Variants in CLVS1 observed in about 807,000 individuals in gnomAD.
CLVS1 encodes the protein clavesin-1.
CLVS1 carries 10 observed loss-of-function variants against 33.1 expected under a neutral mutation model. That is an observed-to-expected ratio of 0.30 (90% CI 0.19 to 0.51). The LOEUF (loss-of-function observed/expected upper bound fraction) is 0.51. Among genes scored for constraint, CLVS1 ranks in the 20% least tolerant of loss-of-function variants. CLVS1 has a pLI of 0.97. For missense variants in CLVS1, 343 were observed against 433.4 expected (o/e 0.79, Z 1.85); for synonymous variants, 163 against 166.1 (o/e 0.98, Z 0.14).
chr8:61,356,958 T>C (rs893800988), intron 2 of CLVS1, among the ~76,000 whole-genome samples: 10 of 152,208 alleles, frequency 6.6e-5, no homozygotes, highest in African/African-American at 2.4e-4. Flanking sequence ...AAGAAAGTCA[T>C]TGGTAGCTTG....
chr8:61,096,756 C>A (rs1380607596), intron 1 of CLVS1, among the ~76,000 whole-genome samples: 2 of 152,280 alleles, frequency 1.3e-5, no homozygotes, highest in East Asian at 3.9e-4. Context: ...CACAGGATAG[C>A]ATTTCACATT....
chr8:61,065,060 T>C (rs1410691158), intron 1 of CLVS1, among the ~76,000 whole-genome samples: 1 of 152,204 alleles, frequency 6.6e-6, no homozygotes, highest in Non-Finnish European at 1.5e-5. Flanking sequence ...ATCAGATTTG[T>C]AGTTTAGAAA....
chr8:61,102,322 TG>T (rs1805465135), intron 1 of CLVS1, among the ~76,000 whole-genome samples: 1 of 152,240 alleles, frequency 6.6e-6, no homozygotes, highest in Admixed American at 6.5e-5. Context: ...ACCCATATTT[TG>T]TTAATTTTAT....
intron 1 of CLVS1, among the ~76,000 whole-genome samples, chr8:61,118,722 C>A (rs1289654179): frequency 6.6e-6 from 1 of 151,930 alleles, no homozygotes; most frequent in Non-Finnish European, 1.5e-5. Flanking sequence ...TTTGATTGCA[C>A]TGTGGTCTGA....
intron 5 of CLVS1, among the ~76,000 whole-genome samples, chr8:61,460,896 T>G (rs1456532520): frequency 6.6e-6 from 1 of 152,242 alleles, no homozygotes; most frequent in Non-Finnish European, 1.5e-5. Context: ...CCTATTACAG[T>G]TCTTCAAAGA....
chr8:61,314,339 G>A (rs1289477067), intron 2 of CLVS1, among the ~76,000 whole-genome samples: 1 of 152,100 alleles, frequency 6.6e-6, no homozygotes, highest in South Asian at 2.1e-4. Flanking sequence ...GATCTCTAAA[G>A]TTTTCTGAAA....
At position 61,273,517 on chromosome 8, in the gene CLVS1, G is replaced by A. The variant is rs374643063; in HGVS notation, c.-151-26160G>A. Among the ~76,000 whole-genome samples, 582 of 152,288 alleles carry A rather than the reference G, an allele frequency of 3.8e-3. 5 individuals are homozygous for A. The highest frequency in any genetic ancestry group is 0.013 in the African/African-American group (533 of 41,558). On this transcript the variant is annotated intron_variant, in intron 2 of 2. Coordinates refer to the CLVS1 transcript ENST00000522621. ...GCCTCCTTGAGCTGTGGTGGGCTCC[G>A]CCCAGTTGGAGCTTCCCAGCTGCTT...
the CLVS1 span, among the ~76,000 whole-genome samples, chr8:61,024,013 G>A: frequency 6.6e-6 from 1 of 152,180 alleles, no homozygotes; most frequent in Non-Finnish European, 1.5e-5. Flanking sequence ...GTGTCCCGGC[G>A]TATCTGGGAA....
intron 3 of CLVS1, among the ~76,000 whole-genome samples, chr8:61,405,307 T>C (rs754530182): frequency 1.3e-5 from 2 of 152,214 alleles, no homozygotes; most frequent in Non-Finnish European, 2.9e-5. Flanking sequence ...ATCCTTAGTT[T>C]GCCCTTTAGT....
At chr8:61,171,349 G>A (rs1447153673) in intron 2 of CLVS1, among the ~76,000 whole-genome samples, 3 of 152,050 alleles carry the variant, frequency 2.0e-5, no homozygotes, top group Admixed American at 1.3e-4. Flanking sequence ...CAATTTAAGT[G>A]GATTTTTTTT....
At chr8:61,209,390 AC>A (rs1326060334) in intron 2 of CLVS1, among the ~76,000 whole-genome samples, 1 of 152,236 alleles carries the variant, frequency 6.6e-6, no homozygotes, top group African/African-American at 2.4e-5. Context: ...TTGCACAACT[AC>A]AAAAAGAGAT....
At chr8:61,318,210 T>C (rs947661181) in intron 2 of CLVS1, among the ~76,000 whole-genome samples, 2 of 152,226 alleles carry the variant, frequency 1.3e-5, no homozygotes, top group African/African-American at 4.8e-5. Flanking sequence ...TGTTTCTTCA[T>C]AGTAATCTGG....
intron 5 of CLVS1, among the ~76,000 whole-genome samples, chr8:61,483,027 AAG>A (rs1304459314): frequency 2.0e-5 from 3 of 152,226 alleles, no homozygotes; most frequent in Admixed American, 6.5e-5. Flanking sequence ...TCACAATTAA[AAG>A]AACTAGAGAA....
At chr8:61,032,258 T>C in the CLVS1 span, among the ~76,000 whole-genome samples, 2 of 152,168 alleles carry the variant, frequency 1.3e-5, no homozygotes, top group Non-Finnish European at 2.9e-5. Flanking sequence ...GGAAGGGGCC[T>C]GGGGCTTCAG....
At chr8:61,038,461 T>TATATATATATATATATATGAC in the CLVS1 span, among the ~76,000 whole-genome samples, 1 of 117,830 alleles carries the variant, frequency 8.5e-6, no homozygotes, top group South Asian at 3.0e-4. Context: ...ATATATGACA[T>TATATATATATATATATATGAC]ATATATATAT....
At chr8:61,248,538 G>T (rs1808865712) in intron 2 of CLVS1, among the ~76,000 whole-genome samples, 3 of 151,794 alleles carry the variant, frequency 2.0e-5, no homozygotes, top group Admixed American at 6.6e-5. Context: ...TTTTTTTTGT[G>T]TGTGTGTGGC....
intron 1 of CLVS1, among the ~76,000 whole-genome samples, chr8:61,078,974 A>C (rs925719686): frequency 7.2e-5 from 11 of 152,254 alleles, no homozygotes; most frequent in African/African-American, 2.7e-4. Context: ...TTCCAAGAAC[A>C]ACATTTGTGA....
chr8:61,033,317 GTGTCTTTCCCCTCCTCCT>G, the CLVS1 span, among the ~76,000 whole-genome samples: 2 of 117,346 alleles, frequency 1.7e-5, no homozygotes, highest in African/African-American at 2.8e-5. Context: ...TTCTGGCCTG[GTGTCTTTCCCCTCCTCCT>G]GGGGTAGCAG....
At chr8:61,394,251 T>G (rs964810935) in intron 3 of CLVS1, among the ~76,000 whole-genome samples, 2 of 152,196 alleles carry the variant, frequency 1.3e-5, no homozygotes, top group East Asian at 3.9e-4. Flanking sequence ...TGTTCTGTTA[T>G]CAGTTGCTTG....
Sources: gnomAD v4.1 joint callset for allele counts (sites outside exome capture counted in the v4.1 genomes callset) on GRCh38, gnomAD v4.1.1 for gene constraint, MANE v1.5 for transcripts, NCBI Gene and HGNC (gene_info 2026-07-23, HGNC 2026-07-21) for gene names.